Variants in NBAS observed in about 807,000 individuals in gnomAD.
The protein encoded by NBAS is NBAS subunit of NRZ tethering complex.
In NBAS, 219 loss-of-function variants were observed where a neutral mutation model predicts 302.5. That is an observed-to-expected ratio of 0.72 (90% confidence interval 0.65 to 0.81). NBAS has a LOEUF of 0.81. Ranked by LOEUF, NBAS falls within the 30% of genes least tolerant of loss-of-function variation. The probability of loss-of-function intolerance (pLI) is 0.00; values close to 1 mark genes in which losing one functional copy is unlikely to be tolerated. For missense variants in NBAS, 2,932 were observed against 2,841.6 expected (o/e 1.03, Z -0.72); for synonymous variants, 1,118 against 1,021.6 (o/e 1.09, Z -1.80).
intron 49 of NBAS, among the ~76,000 whole-genome samples, chr2:15,187,283 A>C (rs1665134171): frequency 1.3e-5 from 2 of 152,144 alleles, no homozygotes; most frequent in Admixed American, 1.3e-4. Context: ...TTCCTTGAAG[A>C]GTTGCCTTAA....
intron 19 of NBAS, among the ~76,000 whole-genome samples, chr2:15,462,022 G>A (rs2148561361): frequency 6.6e-6 from 1 of 152,220 alleles, no homozygotes; most frequent in Non-Finnish European, 1.5e-5. Flanking sequence ...AATGAAATAG[G>A]CAGTAAAAAT....
the NBAS span, among the ~76,000 whole-genome samples, chr2:15,009,855 T>G: frequency 1.3e-5 from 2 of 151,826 alleles, no homozygotes; most frequent in Non-Finnish European, 2.9e-5. Context: ...ATGCAGGAGT[T>G]TGCAACACAG....
chr2:14,901,966 C>T, the NBAS span, among the ~76,000 whole-genome samples: 2 of 152,206 alleles, frequency 1.3e-5, no homozygotes, highest in African/African-American at 2.4e-5. Context: ...GCTGTCCTCT[C>T]GCGATAACAG....
At chr2:15,253,051 G>A (rs2147992003) in intron 44 of NBAS, among the ~76,000 whole-genome samples, 1 of 152,244 alleles carries the variant, frequency 6.6e-6, no homozygotes, top group Non-Finnish European at 1.5e-5. Context: ...GTGGATTGCA[G>A]GCAAAGAGGA....
chr2:15,294,341 T>C (rs902450953), intron 40 of NBAS, among the ~76,000 whole-genome samples: 4 of 152,200 alleles, frequency 2.6e-5, no homozygotes, highest in African/African-American at 9.6e-5. Context: ...AACACCTATA[T>C]GGCTAAGGCT....
At chr2:15,458,167 G>A (rs1357916519) in intron 21 of NBAS, among the ~76,000 whole-genome samples, 2 of 152,120 alleles carry the variant, frequency 1.3e-5, no homozygotes, top group Non-Finnish European at 2.9e-5. Flanking sequence ...GAAAAAGGCA[G>A]AAATAAGTAT....
the NBAS span, among the ~76,000 whole-genome samples, chr2:14,866,390 T>C: frequency 2.0e-5 from 3 of 152,184 alleles, no homozygotes; most frequent in African/African-American, 4.8e-5. Context: ...CTCAATTGCA[T>C]TGGTACCAAA....
At chr2:14,977,909 C>T in the NBAS span, among the ~76,000 whole-genome samples, 1 of 151,956 alleles carries the variant, frequency 6.6e-6, no homozygotes, top group Non-Finnish European at 1.5e-5. Flanking sequence ...AAAAGAAAAC[C>T]ATCAAGTTGC....
chr2:15,246,729 G>A (rs745450839), intron 44 of NBAS, among the ~76,000 whole-genome samples: 2 of 152,194 alleles, frequency 1.3e-5, no homozygotes, highest in South Asian at 2.1e-4. Context: ...GGGGCACAAC[G>A]GCATCAAGCT....
At chr2:15,432,373 C>G (rs1677808301) in intron 21 of NBAS, among the ~76,000 whole-genome samples, 1 of 151,660 alleles carries the variant, frequency 6.6e-6, no homozygotes, top group African/African-American at 2.4e-5. Context: ...ATATTAGAAC[C>G]CTATTCATTG....
At chr2:15,071,446 A>C in the NBAS span, among the ~76,000 whole-genome samples, 1 of 152,110 alleles carries the variant, frequency 6.6e-6, no homozygotes, top group African/African-American at 2.4e-5. Flanking sequence ...CAATACGGTG[A>C]AACTCCGTCT....
At chr2:14,812,551 G>C in the NBAS span, among the ~76,000 whole-genome samples, 5 of 152,096 alleles carry the variant, frequency 3.3e-5, no homozygotes, top group African/African-American at 1.2e-4. Context: ...TTTTATCAAG[G>C]TTCCAACCAT....
chr2:15,415,782 A>T (rs1676902415), intron 24 of NBAS, 63 bp from the exon 25 acceptor site: 13 of 1,563,540 alleles, frequency 8.3e-6, no homozygotes, highest in Non-Finnish European at 1.1e-5. Flanking sequence ...GCCTTATTAT[A>T]TCAGACAGCG....
At chr2:15,421,112 C>T (rs983874492) in intron 23 of NBAS, among the ~76,000 whole-genome samples, 5 of 152,040 alleles carry the variant, frequency 3.3e-5, no homozygotes, top group Admixed American at 2.0e-4. Context: ...CGAAAGAATA[C>T]ATCTACCTTT....
At chr2:14,921,877 G>A in the NBAS span, among the ~76,000 whole-genome samples, 1 of 152,110 alleles carries the variant, frequency 6.6e-6, no homozygotes, top group Non-Finnish European at 1.5e-5. Flanking sequence ...AATGACAAAT[G>A]TGACTGCTAA....
the NBAS span, among the ~76,000 whole-genome samples, chr2:14,994,136 T>C: frequency 6.6e-6 from 1 of 152,370 alleles, no homozygotes; most frequent in African/African-American, 2.4e-5. Context: ...CTAATTTTTC[T>C]TTTACATTCC....
At chr2:14,800,035 A>T in the NBAS span, among the ~76,000 whole-genome samples, 9 of 152,232 alleles carry the variant, frequency 5.9e-5, 1 homozygote, top group Admixed American at 3.3e-4. Flanking sequence ...TGGAATGCAT[A>T]TACCACTAGC....
At chr2:14,917,046 T>C in the NBAS span, among the ~76,000 whole-genome samples, 1 of 152,226 alleles carries the variant, frequency 6.6e-6, no homozygotes, top group Admixed American at 6.5e-5. Context: ...TTTACCTACA[T>C]GGAAAGGGTC....
the NBAS span, among the ~76,000 whole-genome samples, chr2:15,038,189 C>T: frequency 6.7e-6 from 1 of 150,070 alleles, no homozygotes; most frequent in Non-Finnish European, 1.5e-5. Flanking sequence ...CTCAGCTCAC[C>T]GCAAATCCTG....
Sources: allele counts gnomAD v4.1 joint callset (sites outside exome capture counted in the v4.1 genomes callset), GRCh38; gene constraint gnomAD v4.1.1; transcripts MANE v1.5; gene names NCBI Gene and HGNC (gene_info 2026-07-23, HGNC 2026-07-21).